POLR3B: variants seen among roughly 807,000 people sequenced by gnomAD.
The protein encoded by POLR3B is DNA-directed RNA polymerase III subunit RPC2.
In POLR3B, 96 loss-of-function variants were observed where a neutral mutation model predicts 147.4. The ratio of observed to expected loss-of-function variants is 0.65; its 90% confidence interval spans 0.55 to 0.77. The LOEUF is 0.77. Among genes scored for constraint, POLR3B ranks in the 30% least tolerant of loss-of-function variants. The probability of loss-of-function intolerance (pLI) is 0.00; values close to 1 mark genes in which losing one functional copy is unlikely to be tolerated. For missense variants in POLR3B, 1,036 were observed against 1,413.5 expected (o/e 0.73, Z 4.28); for synonymous variants, 461 against 485.9 (o/e 0.95, Z 0.67).
At chr12:106,509,285 A>T (rs2038737919) in intron 27 of POLR3B, 135 bp from the exon 28 acceptor site, 7 of 916,280 alleles carry the variant, frequency 7.6e-6, no homozygotes, top group Non-Finnish European at 1.1e-5. Flanking sequence ...ATGATAGTGC[A>T]ACTGAACACT....
intron 19 of POLR3B, among the ~76,000 whole-genome samples, chr12:106,451,571 G>A (rs551979881): frequency 2.2e-5 from 3 of 139,318 alleles, no homozygotes; most frequent in Non-Finnish European, 4.6e-5. Flanking sequence ...GCAGTGAGTC[G>A]AGATTGTAAC....
chr12:106,480,734 C>T (rs1264156508), intron 23 of POLR3B, among the ~76,000 whole-genome samples: 2 of 152,254 alleles, frequency 1.3e-5, no homozygotes, highest in East Asian at 3.9e-4. Flanking sequence ...GTATCTTCTG[C>T]GTGTCTGGTA....
At chr12:106,369,732 C>T (rs1410195291) in intron 6 of POLR3B, 49 bp downstream of exon 6, 3 of 1,159,866 alleles carry the variant, frequency 2.6e-6, no homozygotes, top group Non-Finnish European at 3.9e-6. Context: ...ATTCCAGCCC[C>T]ATGATGTGAT....
chr12:106,395,212 G>A (rs2136919450), intron 10 of POLR3B, among the ~76,000 whole-genome samples: 1 of 152,202 alleles, frequency 6.6e-6, no homozygotes, highest in South Asian at 2.1e-4. Flanking sequence ...GTGTGACAGA[G>A]TAAGACCTTT....
chr12:106,446,222 C>G, intron 19 of POLR3B: 1 of 455,424 alleles, frequency 2.2e-6, no homozygotes, highest in Non-Finnish European at 4.4e-6. Flanking sequence ...CCAGCTGAAA[C>G]AATACACCTT....
intron 12 of POLR3B, among the ~76,000 whole-genome samples, chr12:106,426,822 G>T (rs2037443413): frequency 7.7e-6 from 1 of 129,562 alleles, no homozygotes; most frequent in African/African-American, 3.0e-5. Flanking sequence ...GTTTATAATG[G>T]TAATTCTTCT....
chr12:106,432,947 C>T (rs528405364), intron 15 of POLR3B, among the ~76,000 whole-genome samples: 6 of 152,262 alleles, frequency 3.9e-5, no homozygotes, highest in Admixed American at 6.5e-5. Context: ...TACCTCTTCC[C>T]GTCTCCTTCG....
chr12:106,509,464 T>C lies in POLR3B; in HGVS notation c.3317T>C (p.Ile1106Thr), dbSNP rs765382317. The change falls in exon 28 of 28, where the codon ATT becomes ACT. Residue 1106 changes from isoleucine (I) to threonine (T), a missense_variant. This residue lies in a region of POLR3B where 69 missense variants were observed against 89.8 expected (regional missense o/e 0.77). Transcript: ENST00000228347. ...KSSCHVSSLRIPYACKLLFQE... is the reference protein window; with the variant it reads ...KSSCHVSSLRTPYACKLLFQE... ...TCCTGCCACGTGTCTTCCCTCCGTATTCCGTATGCCTGCAAGCTGCTCTTC... is the reference window on the plus strand; with the variant it reads ...TCCTGCCACGTGTCTTCCCTCCGTACTCCGTATGCCTGCAAGCTGCTCTTC... The C allele has an allele frequency of 5.0e-5, 80 of 1,613,748 alleles. No homozygotes were observed. Among genetic ancestry groups the C allele is most frequent in the Non-Finnish European group, 6.4e-5 (75 of 1,179,772 alleles).
intron 1 of POLR3B, among the ~76,000 whole-genome samples, chr12:106,359,619 G>A (rs2036438719): frequency 6.6e-6 from 1 of 152,142 alleles, no homozygotes; most frequent in Non-Finnish European, 1.5e-5. Flanking sequence ...GTGAGCCACC[G>A]TGCCCGGCTG....
At chr12:106,457,901 G>T (rs1024980073) in intron 21 of POLR3B, among the ~76,000 whole-genome samples, 1 of 152,178 alleles carries the variant, frequency 6.6e-6, no homozygotes, top group African/African-American at 2.4e-5. Context: ...ATAGGGAAGA[G>T]TTAACTAAAG....
At chr12:106,476,746 G>T (rs576281122) in intron 23 of POLR3B, among the ~76,000 whole-genome samples, 1 of 151,662 alleles carries the variant, frequency 6.6e-6, no homozygotes, top group East Asian at 1.9e-4. Flanking sequence ...CTCTGTATTG[G>T]TTATTGTAGT....
Position 106,400,045 on chromosome 12 carries a change from G to A in POLR3B, c.847-5812G>A, listed in dbSNP as rs548009073. ...TTAAAAGACACAGACTGGCAAATTG[G>A]ATAAAGAGTCAAGACCCATCAGTGT... On this transcript the variant is annotated intron_variant, in intron 10 of 27. Transcript: ENST00000228347. Among the ~76,000 whole-genome samples, 169 of 152,300 alleles carry A rather than the reference G, an allele frequency of 1.1e-3. 2 individuals are homozygous for A. Among genetic ancestry groups the A allele is most frequent in the African/African-American group, 3.9e-3 (164 of 41,552 alleles).
chr12:106,438,033 C>T (rs1219331659), intron 18 of POLR3B, among the ~76,000 whole-genome samples: 1 of 152,194 alleles, frequency 6.6e-6, no homozygotes, highest in Non-Finnish European at 1.5e-5. Context: ...TATCTTGATG[C>T]TCTTCCTCCC....
chr12:106,358,116 C>G lies in POLR3B; in HGVS notation c.72+165C>G, dbSNP rs1281890356. On this transcript the variant is annotated intron_variant, in intron 1 of 27. Transcript: ENST00000228347. Reference sequence around the variant, plus strand: ...CGCTTGCGAGTCTTTTTTCCAGAGCCGGCCTCCGCGTGCGCGAGTGAAGGC... The same window carrying G: ...CGCTTGCGAGTCTTTTTTCCAGAGCGGGCCTCCGCGTGCGCGAGTGAAGGC... 7 of 1,491,480 alleles carry G rather than the reference C, an allele frequency of 4.7e-6. No homozygotes were observed. The South Asian group carries it at 5.1e-5, about 11-fold the overall frequency. The allele number at this position is 1,491,480 out of a possible 1,614,324, so 92.4% of individuals were successfully genotyped here.
intron 12 of POLR3B, among the ~76,000 whole-genome samples, chr12:106,422,044 G>T (rs766478569): frequency 3.9e-5 from 6 of 152,168 alleles, no homozygotes; most frequent in Non-Finnish European, 5.9e-5. Flanking sequence ...GCTTTTAGTT[G>T]CAGCCATTTG....
chr12:106,421,292 G>A (rs2037370523), intron 12 of POLR3B, among the ~76,000 whole-genome samples: 1 of 151,644 alleles, frequency 6.6e-6, no homozygotes, highest in South Asian at 2.1e-4. Context: ...ATATGCAAGA[G>A]TTTCTCTAAG....
intron 9 of POLR3B, among the ~76,000 whole-genome samples, chr12:106,392,255 C>T (rs1281779639): frequency 3.3e-5 from 5 of 152,158 alleles, no homozygotes; most frequent in South Asian, 2.1e-4. Flanking sequence ...CTCCACCGCC[C>T]GGGTTCAAGC....
Position 106,501,218 on chromosome 12 carries a change from A to C in POLR3B, c.2985-105A>C, listed in dbSNP as rs2038595271. ...TACAGACTGAAAATCATTCTTATCC[A>C]GTCAGTCATAAATGAGTAAGGACCT... On this transcript the variant is annotated intron_variant, in intron 25 of 27. Transcript: ENST00000228347. 10 of 764,742 alleles carry C rather than the reference A, an allele frequency of 1.3e-5. No homozygotes were observed. In the South Asian group the frequency reaches 1.4e-4, roughly 11 times the overall value. 47.4% of individuals were successfully genotyped at this position (764,742 alleles called of 1,614,324 possible). A position where few individuals can be genotyped will look rare whatever the true frequency, so the allele number is the denominator to read the frequency against.
At chr12:106,386,426 G>A (rs1425842601) in intron 9 of POLR3B, among the ~76,000 whole-genome samples, 1 of 150,842 alleles carries the variant, frequency 6.6e-6, no homozygotes, top group African/African-American at 2.5e-5. Context: ...GCATCCAAAG[G>A]ACTTTTTTTT....
Sources: gnomAD v4.1 joint callset for allele counts (sites outside exome capture counted in the v4.1 genomes callset) on GRCh38, gnomAD v4.1.1 for gene constraint, gnomAD v4.1.1 regional missense constraint, MANE v1.5 for transcripts, NCBI Gene and HGNC (gene_info 2026-07-23, HGNC 2026-07-21) for gene names.